The following RORA variants were observed in gnomAD, a reference collection of about 807,000 sequenced individuals.
RORA encodes the protein RAR related orphan receptor A, also known as nuclear receptor ROR-alpha.
In RORA, 7 loss-of-function variants were observed where a neutral mutation model predicts 69.5. That is an observed-to-expected ratio of 0.10 (90% CI 0.06 to 0.19). RORA has a LOEUF of 0.19. RORA is among the 10% of genes least tolerant of loss of function. The probability of loss-of-function intolerance (pLI) is 1.00; values close to 1 mark genes in which losing one functional copy is unlikely to be tolerated. For missense variants in RORA, 457 were observed against 663.0 expected (o/e 0.69, Z 3.41); for synonymous variants, 261 against 240.8 (o/e 1.08, Z -0.78).
chr15:61,212,024 A>C (rs2079996714), intron 1 of RORA: 1 of 152,198 alleles, frequency 6.6e-6, no homozygotes, highest in Admixed American at 6.5e-5. Context: ...TCTTTCACTT[A>C]GTTTCCCATG....
chr15:60,532,495 A>C (rs2066555389), intron 2 of RORA, among the ~76,000 whole-genome samples: 1 of 152,186 alleles, frequency 6.6e-6, no homozygotes, highest in African/African-American at 2.4e-5. Flanking sequence ...AGTTCTTTAC[A>C]CTGGAAATTT....
chr15:60,649,310 A>G (rs1279015638), intron 2 of RORA, among the ~76,000 whole-genome samples: 3 of 151,720 alleles, frequency 2.0e-5, no homozygotes, highest in Admixed American at 2.0e-4. Flanking sequence ...CCTTGTGTTC[A>G]TGGCTGCAGA....
intron 1 of RORA, among the ~76,000 whole-genome samples, chr15:61,109,718 C>T (rs2078985651): frequency 6.6e-6 from 1 of 152,236 alleles, no homozygotes; most frequent in Non-Finnish European, 1.5e-5. Context: ...CTCTGAAACA[C>T]TGCCTAATGT....
At chr15:61,052,161 T>G (rs1465770393) in intron 1 of RORA, among the ~76,000 whole-genome samples, 1 of 152,220 alleles carries the variant, frequency 6.6e-6, no homozygotes, top group Non-Finnish European at 1.5e-5. Context: ...GTGCAGCTTA[T>G]GCACACAGAG....
Position 60,511,556 on chromosome 15 carries a change from G to T in RORA, c.490C>A (p.Arg164=), listed in dbSNP as rs1406776280. The change falls in exon 5 of 11, where the codon CGG becomes AGG. Residue 164 remains arginine, a synonymous_variant. Coordinates refer to ENST00000335670, the MANE Select transcript of RORA (RefSeq NM_134261.3). This position sits in a 1 kb window ranked among gnomAD's most constrained non-coding sequence, Gnocchi z 6.4. ...TGGTCGCGCTGCTGCTGCTGCATCC[G>T]GTGTTTCTGTACTTCTGCATACAAG... The part of the protein sequence containing the change: ...DSLYAEVQKH[R]MQQQQRDHQQ... 1 of 1,614,032 alleles carries T rather than the reference G, an allele frequency of 6.2e-7. No individual in the cohort carries two copies. Among genetic ancestry groups the T allele is most frequent in the African/African-American group, 1.3e-5 (1 of 75,012 alleles).
chr15:60,499,611 A>G (rs998331724), intron 10 of RORA, among the ~76,000 whole-genome samples: 1 of 152,230 alleles, frequency 6.6e-6, no homozygotes, highest in Non-Finnish European at 1.5e-5. Context: ...CTTTATGCCT[A>G]ACTTTGATGG....
intron 1 of RORA, among the ~76,000 whole-genome samples, chr15:60,821,722 G>A (rs887277293): frequency 2.0e-5 from 3 of 152,178 alleles, no homozygotes; most frequent in African/African-American, 7.2e-5. Flanking sequence ...TTACTATGTG[G>A]CAGGCATTGC....
chr15:60,665,772 T>G (rs920821858), intron 2 of RORA, among the ~76,000 whole-genome samples: 1 of 152,110 alleles, frequency 6.6e-6, no homozygotes, highest in Non-Finnish European at 1.5e-5. Context: ...TCTCCCGGGT[T>G]CAAGCAATTC....
chr15:60,943,444 G>A (rs1892762012), intron 1 of RORA, among the ~76,000 whole-genome samples: 1 of 151,966 alleles, frequency 6.6e-6, no homozygotes, highest in Non-Finnish European at 1.5e-5. Flanking sequence ...AAAAAGAGAT[G>A]TTATTTCTTG....
At chr15:60,544,086 C>T (rs1180925826) in intron 2 of RORA, among the ~76,000 whole-genome samples, 1 of 152,144 alleles carries the variant, frequency 6.6e-6, no homozygotes, top group Non-Finnish European at 1.5e-5. Context: ...CTCACAACTG[C>T]CTGTGCAGTG....
At chr15:60,533,198 T>C (rs767873982) in intron 2 of RORA, among the ~76,000 whole-genome samples, 1 of 152,206 alleles carries the variant, frequency 6.6e-6, no homozygotes, top group African/African-American at 2.4e-5. Context: ...TGGTGACTTT[T>C]AGGGAGTGCA....
At chr15:61,202,329 T>C (rs1260096348) in intron 1 of RORA, among the ~76,000 whole-genome samples, 1 of 152,164 alleles carries the variant, frequency 6.6e-6, no homozygotes, top group East Asian at 1.9e-4. Context: ...TTGATCTTAA[T>C]AGTTACCTGC....
chr15:61,041,177 A>G (rs1896748423), intron 1 of RORA: 1 of 152,262 alleles, frequency 6.6e-6, no homozygotes, highest in African/African-American at 2.4e-5. Flanking sequence ...TTTGCCTGTC[A>G]TCACTACACA....
chr15:61,202,659 G>A (rs950574766), intron 1 of RORA, among the ~76,000 whole-genome samples: 2 of 151,950 alleles, frequency 1.3e-5, no homozygotes, highest in Admixed American at 6.6e-5. Flanking sequence ...TATTTTAAGA[G>A]TACCCTTGAA....
chr15:60,643,498 C>G (rs2069982192), intron 2 of RORA, among the ~76,000 whole-genome samples: 2 of 152,134 alleles, frequency 1.3e-5, no homozygotes, highest in Non-Finnish European at 2.9e-5. Flanking sequence ...AAGAATAACC[C>G]TGGGTTTGAG....
At chr15:60,773,258 T>C (rs977110959) in intron 1 of RORA, among the ~76,000 whole-genome samples, 1 of 152,224 alleles carries the variant, frequency 6.6e-6, no homozygotes, top group Non-Finnish European at 1.5e-5. Flanking sequence ...ACTTGAAGAA[T>C]GATCTTTATA....
chr15:60,623,004 C>A (rs2069460600), intron 2 of RORA, among the ~76,000 whole-genome samples: 1 of 152,246 alleles, frequency 6.6e-6, no homozygotes, highest in Non-Finnish European at 1.5e-5. Context: ...GCATGAGCCA[C>A]TATGCCCGGC....
chr15:60,663,179 AC>A (rs1054059813), intron 2 of RORA, among the ~76,000 whole-genome samples: 6 of 151,992 alleles, frequency 3.9e-5, no homozygotes, highest in African/African-American at 1.5e-4. Context: ...CTATAAGCAC[AC>A]TCCCATAAAC....
intron 1 of RORA, among the ~76,000 whole-genome samples, chr15:60,998,618 C>T (rs866233319): frequency 9.9e-5 from 15 of 152,138 alleles, no homozygotes; most frequent in African/African-American, 3.1e-4. Context: ...AGGCCGGTCT[C>T]GAACTCCTGA....
Sources: gnomAD v4.1 joint callset for allele counts (sites outside exome capture counted in the v4.1 genomes callset) on GRCh38, gnomAD v4.1.1 for gene constraint, Gnocchi (gnomAD v3.1) non-coding constraint, MANE v1.5 for transcripts, NCBI Gene and HGNC (gene_info 2026-07-23, HGNC 2026-07-21) for gene names.